SFXN5: variants seen among roughly 807,000 people sequenced by gnomAD.
SFXN5 encodes the protein sideroflexin 5, also known as sideroflexin-5.
SFXN5 carries 43 observed loss-of-function variants against 50.2 expected under a neutral mutation model. The observed-to-expected ratio is 0.86, with a 90% CI of 0.67 to 1.11. The LOEUF (loss-of-function observed/expected upper bound fraction) is 1.11, where lower values mean the gene tolerates loss of function less well. SFXN5 is among the 50% of genes least tolerant of loss of function. SFXN5 has a pLI of 0.00. For missense variants in SFXN5, 463 were observed against 454.1 expected (o/e 1.02, Z -0.18); for synonymous variants, 203 against 185.8 (o/e 1.09, Z -0.75).
intron 9 of SFXN5, among the ~76,000 whole-genome samples, chr2:72,988,901 G>C (rs1039580058): frequency 1.3e-5 from 2 of 152,124 alleles, no homozygotes; most frequent in African/African-American, 2.4e-5. Flanking sequence ...GGGTGAGGCG[G>C]ATGTCCTGGA....
At position 72,953,914 on chromosome 2, in the gene SFXN5, G is replaced by C. The variant is rs1672801757; in HGVS notation, c.945+7217C>G. Among the ~76,000 whole-genome samples the C allele has an allele frequency of 6.6e-6, 1 of 152,236 alleles. No individual in the cohort carries two copies. The highest frequency in any genetic ancestry group is 2.4e-5 in the African/African-American group (1 of 41,458). ...ACCATTTTCATCAGGGCTGGTAAGAGGGTAGAGATAGTGGAGGTTCTGGTA... is the reference window on the plus strand; with the variant it reads ...ACCATTTTCATCAGGGCTGGTAAGACGGTAGAGATAGTGGAGGTTCTGGTA... On this transcript the variant is annotated intron_variant, in intron 13 of 13. Transcript: ENST00000272433. The surrounding 1 kb of genome is among the most constrained non-coding windows in gnomAD (Gnocchi z 4.1).
At chr2:73,058,451 T>C (rs1233029024) in intron 2 of SFXN5, 77 bp downstream of exon 2, 2 of 1,396,450 alleles carry the variant, frequency 1.4e-6, no homozygotes, top group Admixed American at 3.4e-5. Flanking sequence ...ATCCTCACCC[T>C]CCCTTAATGA....
chr2:73,051,732 G>A (rs1406490842), intron 2 of SFXN5, among the ~76,000 whole-genome samples: 3 of 152,190 alleles, frequency 2.0e-5, no homozygotes, highest in Non-Finnish European at 2.9e-5. Flanking sequence ...ACAAAGAACA[G>A]AAATTTATTT....
At position 72,961,343 on chromosome 2, in the gene SFXN5, A is replaced by C; in HGVS notation, c.828-95T>G. The C allele has an allele frequency of 5.0e-6, 4 of 795,314 alleles. No homozygotes were observed. Among genetic ancestry groups the C allele is most frequent in the Non-Finnish European group, 7.6e-6 (4 of 526,616 alleles). 49.3% of individuals were successfully genotyped at this position (795,314 alleles called of 1,614,324 possible). ...TGGGTCCCACTCTGTCTCTGGGCCC[A>C]GGAAGCGTGGTTCCGGGGCAGTGCC... On this transcript the variant is annotated intron_variant, in intron 12 of 13. Transcript: ENST00000272433. The surrounding 1 kb of genome is among the most constrained non-coding windows in gnomAD (Gnocchi z 4.4).
chr2:72,968,337 T>G, intron 12 of SFXN5, 111 bp downstream of exon 12: 1 of 901,426 alleles, frequency 1.1e-6, no homozygotes, highest in East Asian at 2.7e-5. Flanking sequence ...CTACACAAAC[T>G]GGGGTGGGCT....
At position 73,022,562 on chromosome 2, in the gene SFXN5, C is replaced by T. The variant is rs148308830; in HGVS notation, c.291G>A (p.Pro97=). ...GCATGAAGATCTTCTCATTGGTGTC[C>T]GGATGTAGAATAGCCTGGCAAAAGC... ...AQKIKQAILH[P]DTNEKIFMPF... Residue 97 remains proline, a synonymous_variant, in exon 5 of 14, where the codon CCG becomes CCA. Coordinates refer to ENST00000272433, the MANE Select transcript of SFXN5 (RefSeq NM_144579.3). 3.7e-5 allele frequency: 52 copies of T among 1,410,974 alleles called. No homozygotes were observed. Among genetic ancestry groups the T allele is most frequent in the African/African-American group, 4.8e-5 (3 of 62,810 alleles). The allele number at this position is 1,410,974 out of a possible 1,614,324, so 87.4% of individuals were successfully genotyped here. A position where few individuals can be genotyped will look rare whatever the true frequency, so the allele number is the denominator to read the frequency against.
chr2:73,035,286 A>G (rs1678828172), intron 3 of SFXN5, among the ~76,000 whole-genome samples: 1 of 152,096 alleles, frequency 6.6e-6, no homozygotes. Flanking sequence ...AGCATATACA[A>G]GTGTACAGAT....
chr2:73,025,587 C>T (rs995967569), intron 3 of SFXN5, among the ~76,000 whole-genome samples: 1 of 152,134 alleles, frequency 6.6e-6, no homozygotes, highest in African/African-American at 2.4e-5. Context: ...AGCTGAAAAC[C>T]CTCTCGGGGA....
intron 13 of SFXN5, among the ~76,000 whole-genome samples, chr2:72,946,395 T>G (rs1671929662): frequency 6.6e-6 from 1 of 152,118 alleles, no homozygotes; most frequent in Admixed American, 6.5e-5. Flanking sequence ...AGAAAAATCT[T>G]TCTCTCCAAG....
chr2:72,987,410 G>C (rs542717302), intron 10 of SFXN5, among the ~76,000 whole-genome samples: 12 of 151,920 alleles, frequency 7.9e-5, no homozygotes, highest in Admixed American at 2.6e-4. Flanking sequence ...ACCCAGCCTA[G>C]ATGTGCTTTT....
At position 73,023,044 on chromosome 2, in the gene SFXN5, AGAAG is replaced by A. The variant is rs767213029; in HGVS notation, c.276+140_276+143del. 4.8e-4 allele frequency: 341 copies of A among 714,750 alleles called. 1 individual carries two copies. Among genetic ancestry groups the A allele is most frequent in the Non-Finnish European group, 6.5e-4 (282 of 436,884 alleles). The allele number at this position is 714,750 out of a possible 1,614,324, so 44.3% of individuals were successfully genotyped here. A position where few individuals can be genotyped will look rare whatever the true frequency, so the allele number is the denominator to read the frequency against. ...GACTCTGGCCCTTGAGTGTCGGGGC[AGAAG>A]GAAGGGGTGAGGGGGCCAAGGGCAA... On this transcript the variant is annotated intron_variant, in intron 4 of 13. Transcript: ENST00000272433.
chr2:72,990,383 C>T (rs748475747), intron 9 of SFXN5, among the ~76,000 whole-genome samples: 23 of 152,092 alleles, frequency 1.5e-4, no homozygotes, highest in Admixed American at 3.9e-4. Flanking sequence ...CTGCTGCCCC[C>T]GCCACATGAA....
intron 12 of SFXN5, among the ~76,000 whole-genome samples, chr2:72,966,779 C>T (rs746730637): frequency 2.6e-5 from 4 of 152,238 alleles, no homozygotes; most frequent in Non-Finnish European, 5.9e-5. Context: ...TCTCTGGGTA[C>T]CAGCCCTTCT....
At chr2:73,052,330 AAG>A (rs559429276) in intron 2 of SFXN5, among the ~76,000 whole-genome samples, 1,490 of 133,346 alleles carry the variant, frequency 0.011, 13 homozygotes, top group African/African-American at 0.046. Flanking sequence ...TAGAAAATGT[AAG>A]AGAGAGAGTG....
At chr2:73,032,897 T>C (rs997590486) in intron 3 of SFXN5, among the ~76,000 whole-genome samples, 2 of 152,240 alleles carry the variant, frequency 1.3e-5, no homozygotes, top group African/African-American at 2.4e-5. Context: ...CCATGGTTAC[T>C]CCCAGGTAAT....
At position 73,058,623 on chromosome 2, in the gene SFXN5, T is replaced by A. The variant is rs10180720; in HGVS notation, c.103-27A>T. 0.24 allele frequency: 389,515 copies of A among 1,606,730 alleles called. 53,674 individuals carry two copies. The highest frequency in any genetic ancestry group is 0.56 in the East Asian group (25,226 of 44,808). Reference sequence around the variant, plus strand: ...TGAAGAAGAGGATGAGAGAGAAGAGTGAATGGATCAGCTGCTGCACACCCT... The same window carrying A: ...TGAAGAAGAGGATGAGAGAGAAGAGAGAATGGATCAGCTGCTGCACACCCT... On this transcript the variant is annotated intron_variant, in intron 1 of 13. Transcript: ENST00000272433.
intron 12 of SFXN5, among the ~76,000 whole-genome samples, chr2:72,966,912 G>A (rs1266516655): frequency 6.6e-6 from 1 of 152,120 alleles, no homozygotes; most frequent in Non-Finnish European, 1.5e-5. Flanking sequence ...AAACACACAG[G>A]CTTCCTGAGA....
At chr2:73,046,134 T>G (rs1296032646) in intron 2 of SFXN5, among the ~76,000 whole-genome samples, 1 of 152,068 alleles carries the variant, frequency 6.6e-6, no homozygotes, top group Non-Finnish European at 1.5e-5. Flanking sequence ...GTTGGCCGGG[T>G]GCAGCAGCTC....
chr2:73,016,394 C>G (rs985082018), intron 6 of SFXN5, among the ~76,000 whole-genome samples: 1 of 152,106 alleles, frequency 6.6e-6, no homozygotes, highest in Non-Finnish European at 1.5e-5. Context: ...AATCGATATA[C>G]AGTGATTTTC....
Sources: allele counts gnomAD v4.1 joint callset (sites outside exome capture counted in the v4.1 genomes callset), GRCh38; gene constraint gnomAD v4.1.1; non-coding constraint Gnocchi (gnomAD v3.1); transcripts MANE v1.5; gene names NCBI Gene and HGNC (gene_info 2026-07-23, HGNC 2026-07-21).